The following NNT variants were observed in gnomAD, a reference collection of about 807,000 sequenced individuals.
The protein encoded by NNT is nicotinamide nucleotide transhydrogenase, also known as NAD(P) transhydrogenase, mitochondrial.
A neutral mutation model predicts 104.8 loss-of-function variants in NNT; 50 were observed. That is an observed-to-expected ratio of 0.48 (90% confidence interval 0.38 to 0.60). The LOEUF (loss-of-function observed/expected upper bound fraction) is 0.60, where lower values mean the gene tolerates loss of function less well. NNT is among the 20% of genes least tolerant of loss of function. The pLI is 0.00. For synonymous variants in NNT, 461 were observed against 490.4 expected, an observed-to-expected ratio of 0.94 and a Z score of 0.79; for missense variants, 1,131 against 1,330.7, an observed-to-expected ratio of 0.85 and a Z score of 2.33.
intron 17 of NNT, among the ~76,000 whole-genome samples, chr5:43,674,363 G>A (rs889623259): frequency 6.6e-6 from 1 of 152,052 alleles, no homozygotes; most frequent in Non-Finnish European, 1.5e-5. Context: ...GTAGCAGGCT[G>A]AGCCATCATT....
At chr5:43,665,807 C>T (rs1375991320) in intron 17 of NNT, among the ~76,000 whole-genome samples, 1 of 110,756 alleles carries the variant, frequency 9.0e-6, no homozygotes, top group East Asian at 2.1e-4. Flanking sequence ...GGCAGCCAGG[C>T]AGAGGCGCAC....
At chr5:43,616,663 G>T (rs890860162) in intron 4 of NNT, among the ~76,000 whole-genome samples, 1 of 152,098 alleles carries the variant, frequency 6.6e-6, no homozygotes, top group Non-Finnish European at 1.5e-5. Context: ...ATTCTATGTT[G>T]ATTGCCTGGA....
At chr5:43,611,634 T>C (rs1749505082) in intron 2 of NNT, among the ~76,000 whole-genome samples, 1 of 152,200 alleles carries the variant, frequency 6.6e-6, no homozygotes. Flanking sequence ...TAGTGTGGAA[T>C]CTAAGACAGT....
intron 20 of NNT, among the ~76,000 whole-genome samples, chr5:43,701,405 A>G (rs1160839436): frequency 1.3e-5 from 2 of 152,152 alleles, no homozygotes; most frequent in African/African-American, 4.8e-5. Flanking sequence ...GCTGGAAAGG[A>G]CACGATTTCC....
chr5:43,691,396 G>A (rs1742276942), intron 19 of NNT, among the ~76,000 whole-genome samples: 2 of 152,164 alleles, frequency 1.3e-5, no homozygotes. Context: ...GAGCCACCAT[G>A]CCCGGCCAGA....
At chr5:43,637,562 G>A (rs574201453) in intron 7 of NNT, among the ~76,000 whole-genome samples, 1 of 152,200 alleles carries the variant, frequency 6.6e-6, no homozygotes, top group East Asian at 1.9e-4. Context: ...GCTGTGGATA[G>A]GTGTGGGCTG....
At chr5:43,626,270 C>T (rs1750357538) in intron 6 of NNT, among the ~76,000 whole-genome samples, 1 of 152,012 alleles carries the variant, frequency 6.6e-6, no homozygotes, top group Non-Finnish European at 1.5e-5. Context: ...ATTTATTAGG[C>T]ATTATAAATA....
chr5:43,660,593 GAAGTA>G lies in NNT; in HGVS notation c.2634+1247_2634+1251del, dbSNP rs1296103644. Reference sequence around the variant, plus strand: ...AACTACCTCAGACTGGGTAATTTATGAAGTAAAGAGGTTTAATTGACTCACAGCTC... The same window carrying G: ...AACTACCTCAGACTGGGTAATTTATGAAGAGGTTTAATTGACTCACAGCTC... On this transcript the variant is annotated intron_variant, in intron 17 of 21. Transcript: ENST00000344920. Among the ~76,000 whole-genome samples, 4 of 152,186 alleles carry G rather than the reference GAAGTA, an allele frequency of 2.6e-5. 1 individual carries two copies. Among genetic ancestry groups the G allele is most frequent in the African/African-American group, 9.7e-5 (4 of 41,430 alleles).
At chr5:43,690,179 G>A (rs1173659001) in intron 19 of NNT, among the ~76,000 whole-genome samples, 1 of 151,862 alleles carries the variant, frequency 6.6e-6, no homozygotes, top group African/African-American at 2.4e-5. Flanking sequence ...AGAACACCTG[G>A]AGAATTCATC....
intron 20 of NNT, among the ~76,000 whole-genome samples, chr5:43,701,943 T>A: frequency 6.6e-6 from 1 of 151,954 alleles, no homozygotes; most frequent in Non-Finnish European, 1.5e-5. Flanking sequence ...TTTTTAAAAT[T>A]TATTTTATTT....
chr5:43,694,738 T>TTTTG (rs1554055726), intron 19 of NNT, among the ~76,000 whole-genome samples: 3 of 137,816 alleles, frequency 2.2e-5, no homozygotes, highest in African/African-American at 8.1e-5. Context: ...GGCCTAAAGT[T>TTTTG]TGTGTGTGTG....
At position 43,649,173 on chromosome 5, in the gene NNT, A is replaced by C; in HGVS notation, c.1471A>C (p.Ile491Leu). 1 of 1,614,194 alleles carries C rather than the reference A, an allele frequency of 6.2e-7. No individual in the cohort carries two copies. The highest frequency in any genetic ancestry group is 8.5e-7 in the Non-Finnish European group (1 of 1,180,032). Residue 491 changes from isoleucine (I) to leucine (L), a missense_variant, in exon 11 of 22, where the codon ATT (isoleucine) becomes CTT (leucine). Transcript: ENST00000344920. ...AGLTGILGLG[I>L]AAPNLAFSQM... The stretch of plus-strand genomic sequence containing the variant: ...TCTCACAGGGATACTGGGTTTGGGC[A>C]TTGCGGCTCCCAATCTAGCCTTTTC...
At chr5:43,629,770 A>G (rs969551355) in intron 7 of NNT, among the ~76,000 whole-genome samples, 6 of 152,046 alleles carry the variant, frequency 3.9e-5, no homozygotes, top group East Asian at 1.9e-4. Flanking sequence ...CCATTTGTAT[A>G]TCTTCTTTTG....
rs1743015992 is a variant in NNT at position 43,704,468 on chromosome 5, A to G, written c.*64A>G. 2.0e-6 allele frequency: 3 copies of G among 1,534,232 alleles called. No homozygotes were observed. The highest frequency in any genetic ancestry group is 2.7e-6 in the Non-Finnish European group (3 of 1,114,708). The stretch of plus-strand genomic sequence containing the variant: ...TGCAGTTTTGGGAACAGGCAAATAA[A>G]GTATCAGTATACATGGTGATGTACA... On this transcript the variant is annotated 3_prime_UTR_variant, in exon 22 of 22. Transcript: ENST00000344920.
chr5:43,669,389 C>T (rs1323313499), intron 17 of NNT, among the ~76,000 whole-genome samples: 1 of 152,136 alleles, frequency 6.6e-6, no homozygotes, highest in African/African-American at 2.4e-5. Context: ...CCAGTTTTTG[C>T]CCATTCAGTA....
chr5:43,665,215 T>C (rs1740571181), intron 17 of NNT, among the ~76,000 whole-genome samples: 1 of 112,858 alleles, frequency 8.9e-6, no homozygotes, highest in Non-Finnish European at 1.7e-5. Flanking sequence ...ATTTTATTTA[T>C]TTATTTATTA....
In NNT at chr5:43,650,457, T is replaced by C. The variant is rs1180515718; in HGVS notation, c.1607-20T>C. The C allele has an allele frequency of 1.7e-5, 26 of 1,558,150 alleles. No homozygotes were observed. The highest frequency in any genetic ancestry group is 2.3e-5 in the Non-Finnish European group (26 of 1,129,218). ...GTGGTGTCACTATCACTATTAACCA[T>C]GTTAATGCTTTCTTTCTAGGGCTGA... On this transcript the variant is annotated intron_variant, in intron 11 of 21. Coordinates refer to ENST00000344920, the MANE Select transcript of NNT (RefSeq NM_182977.3).
chr5:43,628,449 C>A, intron 7 of NNT, 62 bp downstream of exon 7: 4 of 1,257,158 alleles, frequency 3.2e-6, no homozygotes, highest in Non-Finnish European at 4.3e-6. Context: ...TAAAAAAAAG[C>A]GAGAGTGAAT....
At chr5:43,666,783 AG>A in intron 17 of NNT, 1 of 1,301,116 alleles carries the variant, frequency 7.7e-7, no homozygotes, top group Non-Finnish European at 1.1e-6. Context: ...AAGGCTTTGT[AG>A]GGGCCTCGGT....
Sources: allele counts gnomAD v4.1 joint callset (sites outside exome capture counted in the v4.1 genomes callset), GRCh38; gene constraint gnomAD v4.1.1; transcripts MANE v1.5; gene names NCBI Gene and HGNC (gene_info 2026-07-23, HGNC 2026-07-21).